CIROZ: variants seen among roughly 807,000 people sequenced by gnomAD.
The protein encoded by CIROZ is ciliated left-right organizer protein containing ZP-N domains.
chr1:10,948,878 A>G, the CIROZ span: 2 of 1,469,206 alleles, frequency 1.4e-6, no homozygotes, highest in Non-Finnish European at 1.8e-6. Context: ...GAGAAAAAGC[A>G]TTAGAAACAA....
the CIROZ span, chr1:10,969,840 T>G: frequency 3.0e-6 from 4 of 1,326,076 alleles, no homozygotes; most frequent in Non-Finnish European, 2.9e-6. Context: ...TGGGGGGAGG[T>G]GGCCTTTGAG....
chr1:10,969,481 A>G, the CIROZ span, among the ~76,000 whole-genome samples: 20 of 152,218 alleles, frequency 1.3e-4, no homozygotes, highest in Admixed American at 1.2e-3. Context: ...CATTTCTCCC[A>G]AGTGTTTGAG....
the CIROZ span, among the ~76,000 whole-genome samples, chr1:10,971,906 G>T: frequency 6.6e-6 from 1 of 152,136 alleles, no homozygotes; most frequent in African/African-American, 2.4e-5. Context: ...CCCTGAAGCT[G>T]GAGAATAAGA....
At chr1:10,972,347 G>A in the CIROZ span, among the ~76,000 whole-genome samples, 1 of 151,892 alleles carries the variant, frequency 6.6e-6, no homozygotes, top group Admixed American at 6.6e-5. Flanking sequence ...TGAGGTTTTA[G>A]TGTGCGATGA....
chr1:10,948,484 G>A, the CIROZ span: 2 of 1,614,108 alleles, frequency 1.2e-6, no homozygotes, highest in South Asian at 1.1e-5. Flanking sequence ...GCGGGGTCCT[G>A]TTCAGGCCTC....
At chr1:10,977,665 A>C in the CIROZ span, among the ~76,000 whole-genome samples, 3 of 152,154 alleles carry the variant, frequency 2.0e-5, no homozygotes, top group African/African-American at 2.4e-5. Context: ...AAGGGAAGCC[A>C]ATGGAACCTC....
the CIROZ span, among the ~76,000 whole-genome samples, chr1:10,966,639 G>A: frequency 1.3e-5 from 2 of 152,204 alleles, no homozygotes; most frequent in African/African-American, 4.8e-5. Flanking sequence ...AGTCTGGAAA[G>A]GCATATACCA....
At chr1:10,953,970 T>C in the CIROZ span, 1 of 1,571,062 alleles carries the variant, frequency 6.4e-7, no homozygotes, top group Non-Finnish European at 8.6e-7. Context: ...AGGGTTTGTG[T>C]GGTGTGTGCC....
At chr1:10,975,331 G>A in the CIROZ span, among the ~76,000 whole-genome samples, 1 of 151,024 alleles carries the variant, frequency 6.6e-6, no homozygotes, top group Admixed American at 6.6e-5. Context: ...GCTTCAACCC[G>A]GGAGCAGAGG....
the CIROZ span, chr1:10,957,793 G>T: frequency 1.3e-6 from 2 of 1,593,496 alleles, no homozygotes; most frequent in Non-Finnish European, 1.7e-6. Context: ...TGTGGCCAGG[G>T]AGGCACGGTC....
At chr1:10,948,100 C>T in the CIROZ span, 62 of 1,613,378 alleles carry the variant, frequency 3.8e-5, no homozygotes, top group Non-Finnish European at 4.7e-5. Flanking sequence ...CTCAGCCAGG[C>T]ACTGGGGTCT....
chr1:10,961,895 C>A, the CIROZ span, among the ~76,000 whole-genome samples: 1 of 151,474 alleles, frequency 6.6e-6, no homozygotes, highest in Non-Finnish European at 1.5e-5. Flanking sequence ...TACAGTGAGC[C>A]GAGATCACAC....
the CIROZ span, chr1:10,982,036 A>T: frequency 6.5e-7 from 1 of 1,537,228 alleles, no homozygotes; most frequent in Non-Finnish European, 8.7e-7. Flanking sequence ...GGACCCCCAC[A>T]TCCTCAGGCC....
At chr1:10,953,086 C>T in the CIROZ span, among the ~76,000 whole-genome samples, 7 of 152,304 alleles carry the variant, frequency 4.6e-5, no homozygotes, top group East Asian at 1.3e-3. Context: ...CCCCCAATCC[C>T]GCCTTTTTCT....
At chr1:10,950,255 G>A in the CIROZ span, among the ~76,000 whole-genome samples, 2 of 151,832 alleles carry the variant, frequency 1.3e-5, no homozygotes, top group South Asian at 2.1e-4. Flanking sequence ...GGCTGGTCTC[G>A]AACTCCCGAC....
the CIROZ span, among the ~76,000 whole-genome samples, chr1:10,967,691 G>C: frequency 6.6e-6 from 1 of 152,180 alleles, no homozygotes; most frequent in Non-Finnish European, 1.5e-5. Flanking sequence ...GTTGAATGAG[G>C]CTGGGCACGG....
chr1:10,981,110 TG>T, the CIROZ span, among the ~76,000 whole-genome samples: 1 of 152,176 alleles, frequency 6.6e-6, no homozygotes, highest in East Asian at 1.9e-4. Flanking sequence ...CTCTTAAAAA[TG>T]CATCTCAGAT....
chr1:10,957,542 G>A, the CIROZ span: 6 of 1,571,398 alleles, frequency 3.8e-6, no homozygotes, highest in Non-Finnish European at 5.2e-6. Flanking sequence ...CTGGAGGGGT[G>A]GCAACCTGCT....
chr1:10,966,259 G>C, the CIROZ span: 1 of 1,363,638 alleles, frequency 7.3e-7, no homozygotes, highest in South Asian at 1.6e-5. Context: ...TTCTGCAGAG[G>C]AATAATGGTG....
Sources: allele counts gnomAD v4.1 joint callset (sites outside exome capture counted in the v4.1 genomes callset), GRCh38; gene constraint gnomAD v4.1.1; transcripts MANE v1.5; gene names NCBI Gene and HGNC (gene_info 2026-07-23, HGNC 2026-07-21).